SNAPC1: variants seen among roughly 807,000 people sequenced by gnomAD.
SNAPC1 encodes snRNA-activating protein complex subunit 1.
A neutral mutation model predicts 50.1 loss-of-function variants in SNAPC1; 42 were observed. That is an observed-to-expected ratio of 0.84 (90% confidence interval 0.65 to 1.08). SNAPC1 has a LOEUF of 1.08. SNAPC1 is among the 50% of genes least tolerant of loss of function. The pLI, the probability that SNAPC1 is intolerant of heterozygous loss-of-function variation, is 0.00. For missense variants in SNAPC1, 477 were observed against 427.3 expected, an observed-to-expected ratio of 1.12 and a Z score of -1.02; for synonymous variants, 164 against 144.2, an observed-to-expected ratio of 1.14 and a Z score of -0.98.
rs2044915184 is a variant in SNAPC1, at chr14:61,762,705, G to A, written c.128+117G>A. The A allele has an allele frequency of 8.8e-6, 11 of 1,257,136 alleles. 1 individual carries two copies. In the South Asian group the frequency reaches 1.5e-4, roughly 17 times the overall value. 77.9% of individuals were successfully genotyped at this position (1,257,136 alleles called of 1,614,324 possible). A position where few individuals can be genotyped will look rare whatever the true frequency, so the allele number is the denominator to read the frequency against. The stretch of plus-strand genomic sequence containing the variant: ...CTGAGAAGAGCGGCAGTCACCGAAG[G>A]TTGCCTCCATGACTCCTGGACCTTC... On this transcript the variant is annotated intron_variant, in intron 1 of 9. Transcript: ENST00000216294.
chr14:61,770,411 T>C (rs1294572921), intron 4 of SNAPC1, among the ~76,000 whole-genome samples: 1 of 151,866 alleles, frequency 6.6e-6, no homozygotes, highest in Non-Finnish European at 1.5e-5. Context: ...CCCAACTAAT[T>C]TTTTCTATTT....
chr14:61,776,008 T>G (rs2045032761), intron 4 of SNAPC1, 87 bp from the exon 5 acceptor site: 1 of 1,003,028 alleles, frequency 1.0e-6, no homozygotes, highest in Admixed American at 3.0e-5. Flanking sequence ...GGAAGTCACT[T>G]TGGAAGGTGA....
At position 61,778,082 on chromosome 14, in the gene SNAPC1, TAAAGTC is replaced by T. The variant is rs2045047535; in HGVS notation, c.708_713del (p.Ser237_Lys238del). ...TTTTTGCTCTTTTAGAATCCATCCT[TAAAGTC>T]AAAAACTAATGATGGAGAAGAAAAA... On this transcript the variant is annotated inframe_deletion, in exon 6 of 10. Coordinates refer to ENST00000216294, the MANE Select transcript of SNAPC1 (RefSeq NM_003082.4). The T allele has an allele frequency of 6.3e-7, 1 of 1,593,698 alleles. No homozygotes were observed. Among genetic ancestry groups the T allele is most frequent in the African/African-American group, 1.3e-5 (1 of 74,222 alleles).
intron 8 of SNAPC1, among the ~76,000 whole-genome samples, chr14:61,791,400 A>G (rs2045151529): frequency 6.6e-6 from 1 of 152,138 alleles, no homozygotes; most frequent in Non-Finnish European, 1.5e-5. Flanking sequence ...TTCTACATTT[A>G]TCATTTTTGT....
intron 3 of SNAPC1, 69 bp downstream of exon 3, chr14:61,767,421 C>A: frequency 3.1e-6 from 3 of 968,196 alleles, no homozygotes; most frequent in South Asian, 3.4e-5. Context: ...TAAAACCTCT[C>A]AATCTCCAGA....
At position 61,766,918 on chromosome 14, in the gene SNAPC1, A is replaced by G. The variant is rs2044952197; in HGVS notation, c.171A>G (p.Glu57=). Residue 57 remains glutamate, a synonymous_variant, in exon 2 of 10, where the codon GAA becomes GAG. Coordinates refer to ENST00000216294, the MANE Select transcript of SNAPC1 (RefSeq NM_003082.4). ...TAGAAAAGAACATGTTTACAAAAGAAGCTTTAGCTTTGGCTTGGCGATATT... is the reference window on the plus strand; with the variant it reads ...TAGAAAAGAACATGTTTACAAAAGAGGCTTTAGCTTTGGCTTGGCGATATT... ...RNLEKNMFTK[E]ALALAWRYFL... The G allele has an allele frequency of 6.2e-7, 1 of 1,611,224 alleles. No homozygotes were observed. The highest frequency in any genetic ancestry group is 1.1e-5 in the South Asian group (1 of 90,986).
chr14:61,763,572 C>T (rs552012500), intron 1 of SNAPC1, among the ~76,000 whole-genome samples: 1 of 150,620 alleles, frequency 6.6e-6, no homozygotes. Flanking sequence ...GTTTTGTCCA[C>T]CTTATTCTTC....
chr14:61,771,306 T>A (rs755133839), intron 4 of SNAPC1, among the ~76,000 whole-genome samples: 33 of 152,200 alleles, frequency 2.2e-4, no homozygotes, highest in Non-Finnish European at 4.7e-4. Flanking sequence ...GATTTAAAGT[T>A]GAGGAAACTG....
intron 5 of SNAPC1, 147 bp downstream of exon 5, chr14:61,776,400 T>C: frequency 1.5e-6 from 1 of 664,854 alleles, no homozygotes; most frequent in Non-Finnish European, 2.6e-6. Flanking sequence ...AGTTCCACTT[T>C]TGCCACTTAT....
chr14:61,767,325 AT>A lies in SNAPC1; in HGVS notation c.405del (p.His136ThrfsTer13). ...IFRKLRLDRA[F>X]HFTAMPKLLS... ...TTAGGAAGCTACGACTAGACAGAGC[AT>A]TTCACTTTACAGCAATGCCCAAATT... is the stretch of plus-strand genomic sequence containing the variant. On this transcript the variant is annotated frameshift_variant, in exon 3 of 10. Coordinates refer to ENST00000216294, the MANE Select transcript of SNAPC1 (RefSeq NM_003082.4). LOFTEE classifies it high-confidence loss of function. 6.7e-7 allele frequency: 1 copy of A among 1,492,022 alleles called. No individual in the cohort carries two copies. The highest frequency in any genetic ancestry group is 1.4e-5 in the South Asian group (1 of 71,356). 92.4% of individuals were successfully genotyped at this position (1,492,022 alleles called of 1,614,324 possible). A position where few individuals can be genotyped will look rare whatever the true frequency, so the allele number is the denominator to read the frequency against.
At chr14:61,788,569 T>A (rs1342606684) in intron 8 of SNAPC1, among the ~76,000 whole-genome samples, 1 of 152,132 alleles carries the variant, frequency 6.6e-6, no homozygotes, top group Admixed American at 6.5e-5. Context: ...AGGCAGACAG[T>A]CAGTGCATAT....
At chr14:61,768,859 G>A (rs545571034) in intron 4 of SNAPC1, 119 bp downstream of exon 4, 13 of 565,380 alleles carry the variant, frequency 2.3e-5, no homozygotes, top group Non-Finnish European at 3.8e-5. Context: ...ACCACTCTAG[G>A]ATGCTATTTC....
intron 8 of SNAPC1, among the ~76,000 whole-genome samples, chr14:61,785,543 G>T (rs982550504): frequency 3.9e-5 from 6 of 152,208 alleles, no homozygotes; most frequent in Non-Finnish European, 8.8e-5. Flanking sequence ...CTGGGTTAAG[G>T]ATGTGCCTGT....
At chr14:61,768,220 T>C (rs1203214741) in intron 3 of SNAPC1, among the ~76,000 whole-genome samples, 1 of 152,276 alleles carries the variant, frequency 6.6e-6, no homozygotes, top group East Asian at 1.9e-4. Flanking sequence ...AAATTAGATT[T>C]GGCATCTGCA....
At chr14:61,779,725 T>TG (rs2045058517) in intron 7 of SNAPC1, among the ~76,000 whole-genome samples, 1 of 143,978 alleles carries the variant, frequency 6.9e-6, no homozygotes, top group Non-Finnish European at 1.5e-5. Context: ...TTTTTTTTTT[T>TG]GAGACAGAGT....
At chr14:61,763,550 C>T (rs974436834) in intron 1 of SNAPC1, among the ~76,000 whole-genome samples, 11 of 149,704 alleles carry the variant, frequency 7.3e-5, no homozygotes, top group African/African-American at 2.2e-4. Context: ...GAGTTTCCAC[C>T]GCAACTCTCT....
chr14:61,778,770 A>C, intron 6 of SNAPC1, 78 bp from the exon 7 acceptor site: 1 of 853,308 alleles, frequency 1.2e-6, no homozygotes, highest in Non-Finnish European at 1.9e-6. Context: ...TATTTCTGAT[A>C]ATAAATACTT....
At chr14:61,774,659 T>C (rs866364230) in intron 4 of SNAPC1, among the ~76,000 whole-genome samples, 19,499 of 135,250 alleles carry the variant, frequency 0.14, 1,900 homozygotes, top group South Asian at 0.35. Flanking sequence ...TTTTTTTTTT[T>C]TTTTTTTTTT....
rs760139174 is a variant in SNAPC1 at position 61,767,258 on chromosome 14, A to G, written c.335A>G (p.Gln112Arg). ...TGGGATGAAGTTTTAAAATTTCAGC[A>G]AGATTTAGTAAATGCACAGCATTTT... Reference protein sequence around the residue: ...KDWDEVLKFQQDLVNAQHFDA... With the variant: ...KDWDEVLKFQRDLVNAQHFDA... Residue 112 changes from glutamine to arginine, a missense_variant, in exon 3 of 10, where the codon CAA (glutamine) becomes CGA (arginine). Transcript: ENST00000216294. 2.0e-6 allele frequency: 3 copies of G among 1,521,120 alleles called. No homozygotes were observed. The highest frequency in any genetic ancestry group is 1.8e-6 in the Non-Finnish European group (2 of 1,132,934). 94.2% of individuals were successfully genotyped at this position (1,521,120 alleles called of 1,614,324 possible). A position where few individuals can be genotyped will look rare whatever the true frequency, so the allele number is the denominator to read the frequency against.
Sources: gnomAD v4.1 joint callset for allele counts (sites outside exome capture counted in the v4.1 genomes callset) on GRCh38, gnomAD v4.1.1 for gene constraint, MANE v1.5 for transcripts, NCBI Gene and HGNC (gene_info 2026-07-23, HGNC 2026-07-21) for gene names.